The following JADE3 variants were observed in gnomAD, a reference collection of about 807,000 sequenced individuals.
JADE3 encodes protein Jade-3.
JADE3 carries 2 observed loss-of-function variants against 50.1 expected under a neutral mutation model. The ratio of observed to expected loss-of-function variants is 0.04; its 90% CI spans 0.02 to 0.13. The LOEUF is 0.13. Ranked by LOEUF, JADE3 falls within the 10% of genes least tolerant of loss-of-function variation. The pLI, the probability that JADE3 is intolerant of heterozygous loss-of-function variation, is 1.00. For synonymous variants in JADE3, 218 were observed against 232.9 expected (o/e 0.94, Z 0.58); for missense variants, 475 against 634.4 (o/e 0.75, Z 2.70).
chrX:46,975,092 G>A (rs782576403), intron 1 of JADE3, among the ~76,000 whole-genome samples: 1 of 112,602 alleles, frequency 8.9e-6, no homozygotes, highest in East Asian at 2.8e-4. Context: ...TCACTGCTTA[G>A]ATCTTTGGCT....
chrX:46,959,213 CT>C (rs1247996098), intron 1 of JADE3, among the ~76,000 whole-genome samples: 1 of 112,448 alleles, frequency 8.9e-6, no homozygotes, highest in Non-Finnish European at 1.9e-5. Flanking sequence ...CCCAAATCTC[CT>C]TTTCTCACCT....
intron 4 of JADE3, among the ~76,000 whole-genome samples, chrX:47,013,365 A>T (rs1363659888): frequency 8.9e-6 from 1 of 111,776 alleles, no homozygotes; most frequent in African/African-American, 3.2e-5. Context: ...GTGACTTAAA[A>T]TTTTTTTATC....
In JADE3 at chrX:47,058,569, G is replaced by A. The variant is rs1929684705; in HGVS notation, c.1964G>A (p.Gly655Glu). 1 of 1,210,878 alleles carries A rather than the reference G, an allele frequency of 8.3e-7. No homozygotes were observed. Among genetic ancestry groups the A allele is most frequent in the Non-Finnish European group, 1.1e-6 (1 of 895,156 alleles). The change falls in exon 11 of 11, where the codon GGG becomes GAG. Residue 655 changes from glycine to glutamate, a missense_variant. Physicochemically the swap from Gly to Glu is moderately conservative, Grantham distance 98. Coordinates refer to ENST00000614628, the MANE Select transcript of JADE3 (RefSeq NM_014735.5). Reference protein sequence around the residue: ...ALHGQSSIGNGKSQPNSKFAK... With the variant: ...ALHGQSSIGNEKSQPNSKFAK... Reference sequence around the variant, plus strand: ...CATGGACAGTCTTCCATTGGGAATGGGAAAAGTCAGCCTAACTCCAAGTTT... The same window carrying A: ...CATGGACAGTCTTCCATTGGGAATGAGAAAAGTCAGCCTAACTCCAAGTTT...
intron 4 of JADE3, among the ~76,000 whole-genome samples, chrX:47,011,051 C>G (rs1356346365): frequency 1.4e-4 from 15 of 111,002 alleles, no homozygotes; most frequent in African/African-American, 4.3e-4. Flanking sequence ...AGACTAAGGC[C>G]CCATCCTTAT....
intron 4 of JADE3, among the ~76,000 whole-genome samples, chrX:47,010,390 G>A (rs1360199549): frequency 9.0e-6 from 1 of 110,814 alleles, no homozygotes; most frequent in Non-Finnish European, 1.9e-5. Flanking sequence ...CACCACAACT[G>A]GCTAATTTTG....
intron 1 of JADE3, among the ~76,000 whole-genome samples, chrX:46,982,300 C>G (rs1927772979): frequency 9.0e-6 from 1 of 111,203 alleles, no homozygotes; most frequent in Non-Finnish European, 1.9e-5. Context: ...ACCAGAATTT[C>G]TATTTGGTTA....
intron 1 of JADE3, among the ~76,000 whole-genome samples, chrX:46,950,978 G>A (rs1926988321): frequency 9.0e-6 from 1 of 110,972 alleles, no homozygotes; most frequent in Non-Finnish European, 1.9e-5. Flanking sequence ...GTTTTCAGCA[G>A]TTTGATCATG....
intron 8 of JADE3, among the ~76,000 whole-genome samples, chrX:47,048,618 T>A (rs1212422793): frequency 8.9e-6 from 1 of 111,945 alleles, no homozygotes; most frequent in Admixed American, 9.5e-5. Flanking sequence ...TTATATGAAA[T>A]GTCCAGAATA....
intron 3 of JADE3, among the ~76,000 whole-genome samples, chrX:46,995,915 GT>G (rs1928118039): frequency 8.9e-6 from 1 of 112,354 alleles, no homozygotes; most frequent in Admixed American, 9.4e-5. Flanking sequence ...TCATATGCCT[GT>G]TTTTCTCTAA....
chrX:46,975,150 T>G (rs1347236993), intron 1 of JADE3, among the ~76,000 whole-genome samples: 2 of 112,510 alleles, frequency 1.8e-5, no homozygotes, highest in African/African-American at 6.5e-5. Context: ...CACAGAGATG[T>G]CTCTGTTTAA....
chrX:47,022,285 G>T (rs1271015931), intron 4 of JADE3, among the ~76,000 whole-genome samples: 3 of 112,225 alleles, frequency 2.7e-5, no homozygotes, highest in African/African-American at 9.7e-5. Context: ...GTATGTTTCA[G>T]TTGGAAGCAG....
chrX:46,948,994 C>T (rs1556344174), intron 1 of JADE3, among the ~76,000 whole-genome samples: 1 of 111,273 alleles, frequency 9.0e-6, no homozygotes, highest in Non-Finnish European at 1.9e-5. Flanking sequence ...AATGCAGTGG[C>T]ACAATCATGG....
chrX:46,979,385 A>G (rs1347097459), intron 1 of JADE3, among the ~76,000 whole-genome samples: 1 of 112,096 alleles, frequency 8.9e-6, no homozygotes, highest in East Asian at 2.8e-4. Context: ...AAGAAGTCTT[A>G]GGTCTTCTGA....
chrX:46,947,937 T>G (rs1269009029), intron 1 of JADE3, among the ~76,000 whole-genome samples: 1 of 111,296 alleles, frequency 9.0e-6, no homozygotes, highest in Non-Finnish European at 1.9e-5. Context: ...GTAATTTGTT[T>G]TCCTTTCTTC....
intron 4 of JADE3, among the ~76,000 whole-genome samples, chrX:47,001,152 T>C (rs1176077100): frequency 8.9e-6 from 1 of 111,886 alleles, no homozygotes; most frequent in East Asian, 2.8e-4. Flanking sequence ...TCAGTTTCTG[T>C]TTTTTAGAAA....
chrX:47,026,786 CTTATTA>C (rs1440339452), intron 5 of JADE3, among the ~76,000 whole-genome samples: 1 of 111,633 alleles, frequency 9.0e-6, no homozygotes. Context: ...CAGTGGGTTT[CTTATTA>C]TTATACTAAT....
chrX:46,993,544 A>G (rs1199529245), intron 3 of JADE3, among the ~76,000 whole-genome samples: 3 of 111,902 alleles, frequency 2.7e-5, no homozygotes, highest in African/African-American at 6.5e-5. Context: ...TCTGTTTGAT[A>G]TGGGGGAAAG....
At chrX:46,962,802 A>G (rs1367305499) in intron 1 of JADE3, among the ~76,000 whole-genome samples, 1 of 109,091 alleles carries the variant, frequency 9.2e-6, no homozygotes, top group Non-Finnish European at 1.9e-5. Flanking sequence ...ACTTGCAACA[A>G]TGGCAGTTTC....
At chrX:46,983,617 C>G (rs782586285) in intron 1 of JADE3, among the ~76,000 whole-genome samples, 116 of 111,467 alleles carry the variant, frequency 1.0e-3, no homozygotes, top group African/African-American at 3.7e-3. Flanking sequence ...ACCCTGTGTT[C>G]TTGGCTACTG....
Sources: gnomAD v4.1 joint callset for allele counts (sites outside exome capture counted in the v4.1 genomes callset) on GRCh38, gnomAD v4.1.1 for gene constraint, MANE v1.5 for transcripts, NCBI Gene and HGNC (gene_info 2026-07-23, HGNC 2026-07-21) for gene names.